ADCY5: variants seen among roughly 807,000 people sequenced by gnomAD.
ADCY5 encodes adenylate cyclase 5, also known as adenylate cyclase type 5.
A neutral mutation model predicts 119.7 loss-of-function variants in ADCY5; 30 were observed. That is an observed-to-expected ratio of 0.25 (90% CI 0.19 to 0.34). The LOEUF is 0.34. Ranked by LOEUF, ADCY5 falls within the 10% of genes least tolerant of loss-of-function variation. The pLI is 1.00. For missense variants in ADCY5, 1,324 were observed against 1,775.2 expected (o/e 0.75, Z 4.57); for synonymous variants, 753 against 762.2 (o/e 0.99, Z 0.20).
intron 1 of ADCY5, among the ~76,000 whole-genome samples, chr3:123,399,034 G>A (rs1158124256): frequency 1.3e-5 from 2 of 152,150 alleles, no homozygotes; most frequent in African/African-American, 4.8e-5. Flanking sequence ...AGGACTGGGG[G>A]AGCTCTCTCC....
At chr3:123,313,972 C>T (rs1252495910) in intron 12 of ADCY5, among the ~76,000 whole-genome samples, 1 of 152,194 alleles carries the variant, frequency 6.6e-6, no homozygotes, top group Non-Finnish European at 1.5e-5. Context: ...GGCACAGCAC[C>T]CACAGCATCT....
intron 1 of ADCY5, among the ~76,000 whole-genome samples, chr3:123,419,567 A>G (rs1945258005): frequency 6.6e-6 from 1 of 151,988 alleles, no homozygotes; most frequent in Non-Finnish European, 1.5e-5. Flanking sequence ...TCCTCACCCC[A>G]GCATGTGAGG....
intron 17 of ADCY5, among the ~76,000 whole-genome samples, chr3:123,294,028 G>A (rs1016712146): frequency 6.6e-6 from 1 of 152,174 alleles, no homozygotes; most frequent in African/African-American, 2.4e-5. Flanking sequence ...AATAACAGAC[G>A]CCAACTTGAA....
intron 9 of ADCY5, among the ~76,000 whole-genome samples, chr3:123,320,343 C>T (rs1242116215): frequency 1.3e-5 from 2 of 152,196 alleles, no homozygotes; most frequent in Non-Finnish European, 2.9e-5. Flanking sequence ...CAGGGTGGAG[C>T]CCAGTCCTGG....
chr3:123,362,552 A>C (rs1170470197), intron 1 of ADCY5, among the ~76,000 whole-genome samples: 1 of 152,164 alleles, frequency 6.6e-6, no homozygotes, highest in African/African-American at 2.4e-5. Flanking sequence ...GCGCAACCGG[A>C]GAGAAATAAC....
intron 1 of ADCY5, among the ~76,000 whole-genome samples, chr3:123,423,136 G>A (rs1203099914): frequency 2.0e-5 from 3 of 152,114 alleles, no homozygotes; most frequent in African/African-American, 4.8e-5. Flanking sequence ...CCTCACTCTT[G>A]AGCCCACCAA....
chr3:123,302,599 AG>A (rs1939911445), intron 14 of ADCY5, among the ~76,000 whole-genome samples: 1 of 152,194 alleles, frequency 6.6e-6, no homozygotes, highest in South Asian at 2.1e-4. Context: ...TTTTGCCCTC[AG>A]ATCAGGAGCA....
In ADCY5 at chr3:123,351,407, C is replaced by A. The variant is rs1942831821; in HGVS notation, c.1284+1025G>T. Among the ~76,000 whole-genome samples, 3 of 152,216 alleles carry A rather than the reference C, an allele frequency of 2.0e-5. No individual in the cohort carries two copies. In the South Asian group the frequency reaches 6.2e-4, roughly 32 times the overall value. On this transcript the variant is annotated intron_variant, in intron 2 of 20. Coordinates refer to ENST00000462833, the MANE Select transcript of ADCY5 (RefSeq NM_183357.3). ...TGCCATCTTGGCCATTTCTCCGTGT[C>A]CCCCACACTCAAAGGCAGACCTTCC...
chr3:123,302,551 G>C (rs535862990), intron 14 of ADCY5, among the ~76,000 whole-genome samples: 88 of 152,220 alleles, frequency 5.8e-4, no homozygotes, highest in African/African-American at 2.1e-3. Context: ...CTCCTGAGGT[G>C]GGGTAGGGTC....
intron 14 of ADCY5, among the ~76,000 whole-genome samples, chr3:123,301,777 A>C (rs1166481832): frequency 1.3e-5 from 2 of 152,238 alleles, no homozygotes; most frequent in African/African-American, 4.8e-5. Flanking sequence ...AGCCCTCAGA[A>C]AGCTGAAGAG....
chr3:123,316,410 C>T (rs1279242679), intron 11 of ADCY5, among the ~76,000 whole-genome samples: 7 of 152,066 alleles, frequency 4.6e-5, no homozygotes, highest in South Asian at 2.1e-4. Context: ...GGGAAAATGA[C>T]GAATTAGAAT....
chr3:123,305,978 A>G (rs1043924487), intron 12 of ADCY5, among the ~76,000 whole-genome samples: 18 of 152,204 alleles, frequency 1.2e-4, no homozygotes, highest in Non-Finnish European at 5.9e-5. Context: ...TGAAAGATGA[A>G]GGCCTGGGAC....
chr3:123,367,827 A>AT, intron 1 of ADCY5: 1 of 1,512,570 alleles, frequency 6.6e-7, no homozygotes, highest in Non-Finnish European at 8.8e-7. Flanking sequence ...TCTGGGGCTC[A>AT]TTTTAGGTCA....
At chr3:123,392,186 A>G (rs1944417868) in intron 1 of ADCY5, among the ~76,000 whole-genome samples, 1 of 152,244 alleles carries the variant, frequency 6.6e-6, no homozygotes, top group African/African-American at 2.4e-5. Context: ...AATTTGTTTT[A>G]AATGATTTCT....
intron 10 of ADCY5, 130 bp downstream of exon 10, chr3:123,319,544 C>T: frequency 8.7e-7 from 1 of 1,150,162 alleles, no homozygotes; most frequent in Non-Finnish European, 1.2e-6. Flanking sequence ...AGTGCAGCAT[C>T]AGAGCTGGGG....
chr3:123,415,925 A>G lies in ADCY5; in HGVS notation c.1134+31487T>C, dbSNP rs866677505. ...TTAATATACTTCAGCAAGAAGAAAA[A>G]AAGAAAAAAGAGTAAGTGAAATCAA... On this transcript the variant is annotated intron_variant, in intron 1 of 20. Coordinates refer to ENST00000462833, the MANE Select transcript of ADCY5 (RefSeq NM_183357.3). Among the ~76,000 whole-genome samples the G allele has an allele frequency of 2.6e-4, 40 of 152,238 alleles. 1 individual carries two copies. The highest frequency in any genetic ancestry group is 9.6e-4 in the African/African-American group (40 of 41,460).
At chr3:123,409,871 GT>G (rs1490069862) in intron 1 of ADCY5, among the ~76,000 whole-genome samples, 2 of 152,200 alleles carry the variant, frequency 1.3e-5, no homozygotes, top group Non-Finnish European at 2.9e-5. Context: ...AAAGTTCCCT[GT>G]GGTTAGAGGA....
intron 11 of ADCY5, among the ~76,000 whole-genome samples, chr3:123,314,959 T>G (rs956065918): frequency 2.0e-5 from 3 of 152,104 alleles, no homozygotes; most frequent in Non-Finnish European, 2.9e-5. Context: ...ACAAGCAAAA[T>G]GCAAGGATTT....
intron 1 of ADCY5, among the ~76,000 whole-genome samples, chr3:123,354,707 T>G (rs941734836): frequency 2.6e-5 from 4 of 151,918 alleles, no homozygotes; most frequent in Admixed American, 1.3e-4. Context: ...AAGAAGAAGA[T>G]GAGGAGCTAG....
Sources: gnomAD v4.1 joint callset for allele counts (sites outside exome capture counted in the v4.1 genomes callset) on GRCh38, gnomAD v4.1.1 for gene constraint, MANE v1.5 for transcripts, NCBI Gene and HGNC (gene_info 2026-07-23, HGNC 2026-07-21) for gene names.